Variants in CRLS1 observed in about 807,000 individuals in gnomAD.
CRLS1 encodes cardiolipin synthase (CMP-forming).
CRLS1 carries 24 observed loss-of-function variants against 37.0 expected under a neutral mutation model. The ratio of observed to expected loss-of-function variants is 0.65; its 90% confidence interval spans 0.47 to 0.91. The LOEUF (loss-of-function observed/expected upper bound fraction) is 0.91. Among genes scored for constraint, CRLS1 ranks in the 40% least tolerant of loss-of-function variants. The pLI is 0.00. For synonymous variants in CRLS1, 135 were observed against 159.7 expected, an observed-to-expected ratio of 0.85 and a Z score of 1.17; for missense variants, 373 against 395.8, an observed-to-expected ratio of 0.94 and a Z score of 0.49.
intron 3 of CRLS1, among the ~76,000 whole-genome samples, chr20:6,030,834 T>G (rs1347279112): frequency 6.6e-6 from 1 of 152,224 alleles, no homozygotes; most frequent in Non-Finnish European, 1.5e-5. Context: ...TCAGAAGAGT[T>G]TGAGGCCTCC....
chr20:6,022,067 A>G (rs780457824), intron 3 of CRLS1, among the ~76,000 whole-genome samples: 2 of 152,056 alleles, frequency 1.3e-5, no homozygotes, highest in Non-Finnish European at 2.9e-5. Context: ...ACTTTTTGCT[A>G]GTCTGTCTTG....
chr20:6,009,680 A>C, intron 1 of CRLS1, 95 bp from the exon 2 acceptor site: 1 of 919,488 alleles, frequency 1.1e-6, no homozygotes, highest in Admixed American at 3.1e-5. Flanking sequence ...TTCTGACTGA[A>C]GTTGATGAAG....
chr20:6,016,826 T>A (rs1019566004), intron 3 of CRLS1, among the ~76,000 whole-genome samples: 1 of 152,162 alleles, frequency 6.6e-6, no homozygotes, highest in Non-Finnish European at 1.5e-5. Context: ...TCCCATGTCT[T>A]CCTTTGCTTT....
At chr20:6,015,525 A>G in intron 3 of CRLS1, 35 bp downstream of exon 3, 4 of 1,603,118 alleles carry the variant, frequency 2.5e-6, no homozygotes, top group Non-Finnish European at 3.4e-6. Flanking sequence ...TGAATAGCAC[A>G]GGGAAGAATG....
intron 1 of CRLS1, chr20:6,007,292 G>T: frequency 6.4e-7 from 1 of 1,568,170 alleles, no homozygotes; most frequent in Non-Finnish European, 8.7e-7. Flanking sequence ...TCCTGGCAGG[G>T]GTCTCAACTC....
At chr20:6,020,535 G>A (rs1979169960) in intron 3 of CRLS1, among the ~76,000 whole-genome samples, 1 of 151,908 alleles carries the variant, frequency 6.6e-6, no homozygotes, top group Non-Finnish European at 1.5e-5. Context: ...AATATTCCAT[G>A]AATACTTGAA....
At chr20:6,031,421 A>G in intron 4 of CRLS1, 51 bp downstream of exon 4, 2 of 1,351,032 alleles carry the variant, frequency 1.5e-6, no homozygotes, top group Non-Finnish European at 2.1e-6. Context: ...TGATTTAAGG[A>G]AAAAGCAAAA....
At chr20:6,019,800 T>G (rs1979101442) in intron 3 of CRLS1, among the ~76,000 whole-genome samples, 1 of 151,496 alleles carries the variant, frequency 6.6e-6, no homozygotes, top group East Asian at 1.9e-4. Flanking sequence ...TAGCTAGGAT[T>G]ACAGGTGTGT....
chr20:6,016,661 A>C lies in CRLS1; in HGVS notation c.574+1171A>C, dbSNP rs189830216. The stretch of plus-strand genomic sequence containing the variant: ...CCAGTCATTTTGCTATTGAACATAG[A>C]AATTGTTTCCAGGTTTTTTGGAATT... On this transcript the variant is annotated intron_variant, in intron 3 of 6. Transcript: ENST00000378863. 1.1e-4 allele frequency among the ~76,000 whole-genome samples: 16 copies of C among 152,324 alleles called. No homozygotes were observed. The East Asian group carries it at 2.7e-3, about 26-fold the overall frequency.
chr20:6,010,878 A>G (rs1009720148), intron 2 of CRLS1, among the ~76,000 whole-genome samples: 2 of 152,204 alleles, frequency 1.3e-5, no homozygotes, highest in Non-Finnish European at 2.9e-5. Context: ...TTAGCTGGGC[A>G]TGGTGGCATA....
At chr20:6,029,615 T>G (rs896956447) in intron 3 of CRLS1, among the ~76,000 whole-genome samples, 1 of 152,246 alleles carries the variant, frequency 6.6e-6, no homozygotes, top group Non-Finnish European at 1.5e-5. Flanking sequence ...TGCCTTGGCC[T>G]CCCAAGGTGC....
intron 4 of CRLS1, 49 bp downstream of exon 4, chr20:6,031,419 G>A (rs1188598278): frequency 7.2e-7 from 1 of 1,394,378 alleles, no homozygotes; most frequent in Non-Finnish European, 9.9e-7. Context: ...TATGATTTAA[G>A]GAAAAAGCAA....
At chr20:6,034,595 G>T in intron 6 of CRLS1, 40 bp downstream of exon 6, 1 of 1,396,556 alleles carries the variant, frequency 7.2e-7, no homozygotes, top group Non-Finnish European at 1.0e-6. Flanking sequence ...AATGTCAACA[G>T]AATGACTTAT....
At position 6,037,841 on chromosome 20, in the gene CRLS1, A is replaced by G. The variant is rs537912561; in HGVS notation, c.*683A>G. On this transcript the variant is annotated 3_prime_UTR_variant, in exon 7 of 7. Transcript: ENST00000378863. The stretch of plus-strand genomic sequence containing the variant: ...ATAGTCGAGATAGGAGAACGTGTCT[A>G]TTAGTCTTTGCATCTAAAAGGCAGT... 2 of 152,328 alleles carry G rather than the reference A, an allele frequency of 1.3e-5. No individual in the cohort carries two copies. Among genetic ancestry groups the G allele is most frequent in the African/African-American group, 4.8e-5 (2 of 41,578 alleles). The allele number at this position is 152,328 out of a possible 1,614,324, so 9.4% of individuals were successfully genotyped here.
Position 6,040,038 on chromosome 20 carries a change from A to G in CRLS1, c.*2880A>G, listed in dbSNP as rs1476823842. On this transcript the variant is annotated 3_prime_UTR_variant, in exon 7 of 7. Coordinates refer to ENST00000378863, the MANE Select transcript of CRLS1 (RefSeq NM_019095.6). Reference sequence around the variant, plus strand: ...AGCTGCAGGAAATTAATAAATGCCAATGTTGAAAATTAAAATCTAGAAATA... The same window carrying G: ...AGCTGCAGGAAATTAATAAATGCCAGTGTTGAAAATTAAAATCTAGAAATA... 1 of 152,226 alleles carries G rather than the reference A, an allele frequency of 6.6e-6. No individual in the cohort carries two copies. The highest frequency in any genetic ancestry group is 1.5e-5 in the Non-Finnish European group (1 of 68,040). 9.4% of individuals were successfully genotyped at this position (152,226 alleles called of 1,614,324 possible).
chr20:6,037,014 C>G, intron 6 of CRLS1, 60 bp from the exon 7 acceptor site: 1 of 1,155,880 alleles, frequency 8.7e-7, no homozygotes, highest in Non-Finnish European at 1.3e-6. Context: ...CATTATGATT[C>G]CCGTTGCTAC....
rs189668952 is a variant in CRLS1 at position 6,019,552 on chromosome 20, G to T, written c.574+4062G>T. 6.1e-4 allele frequency among the ~76,000 whole-genome samples: 79 copies of T among 128,546 alleles called. 1 individual carries two copies. Among genetic ancestry groups the T allele is most frequent in the African/African-American group, 2.2e-3 (78 of 34,852 alleles). 84.3% of individuals were successfully genotyped at this position (128,546 alleles called of 152,430 possible). A position where few individuals can be genotyped will look rare whatever the true frequency, so the allele number is the denominator to read the frequency against. ...TTTTCATCTTTTTTGCCAGAGGTTT[G>T]TCAGTTTTATGAATCTTTTGAAAGA... On this transcript the variant is annotated intron_variant, in intron 3 of 6. Transcript: ENST00000378863.
chr20:6,017,175 T>C (rs915300626), intron 3 of CRLS1, among the ~76,000 whole-genome samples: 2 of 151,950 alleles, frequency 1.3e-5, no homozygotes, highest in African/African-American at 2.4e-5. Context: ...TTTGTAGATA[T>C]AGGGTTTTAC....
intron 2 of CRLS1, among the ~76,000 whole-genome samples, chr20:6,014,351 C>T (rs961496483): frequency 1.3e-5 from 2 of 152,300 alleles, no homozygotes; most frequent in African/African-American, 2.4e-5. Flanking sequence ...CCTGGACTAC[C>T]GCTGTCTCCT....
Sources: allele counts gnomAD v4.1 joint callset (sites outside exome capture counted in the v4.1 genomes callset), GRCh38; gene constraint gnomAD v4.1.1; transcripts MANE v1.5; gene names NCBI Gene and HGNC (gene_info 2026-07-23, HGNC 2026-07-21).